CYP7B1: variants seen among roughly 807,000 people sequenced by gnomAD.
CYP7B1 encodes the protein cytochrome P450 family 7 subfamily B member 1.
In CYP7B1, 29 loss-of-function variants were observed where a neutral mutation model predicts 42.7. The observed-to-expected ratio is 0.68, with a 90% CI of 0.51 to 0.93. The LOEUF is 0.93. Ranked by LOEUF, CYP7B1 falls within the 40% of genes least tolerant of loss-of-function variation. The probability of loss-of-function intolerance (pLI) is 0.00; values close to 1 mark genes in which losing one functional copy is unlikely to be tolerated. For synonymous variants in CYP7B1, 235 were observed against 218.2 expected (o/e 1.08, Z -0.68); for missense variants, 655 against 600.5 (o/e 1.09, Z -0.95).
intron 1 of CYP7B1, among the ~76,000 whole-genome samples, chr8:64,704,203 A>T (rs1806959292): frequency 6.6e-6 from 1 of 152,054 alleles, no homozygotes; most frequent in African/African-American, 2.4e-5. Flanking sequence ...CATGACATTA[A>T]ATAGCTTGTC....
chr8:64,729,186 G>C (rs1427678592), intron 1 of CYP7B1, among the ~76,000 whole-genome samples: 1 of 152,102 alleles, frequency 6.6e-6, no homozygotes, highest in Admixed American at 6.5e-5. Flanking sequence ...AATCAGAGAA[G>C]CTCTAAGATA....
intron 1 of CYP7B1, among the ~76,000 whole-genome samples, chr8:64,774,075 C>T (rs969847715): frequency 5.9e-5 from 9 of 152,174 alleles, no homozygotes; most frequent in Admixed American, 2.6e-4. Context: ...TATACCTTCC[C>T]TCTCTCCCAC....
intron 5 of CYP7B1, among the ~76,000 whole-genome samples, chr8:64,600,404 A>G (rs1438708409): frequency 3.9e-5 from 6 of 152,234 alleles, no homozygotes; most frequent in Non-Finnish European, 8.8e-5. Flanking sequence ...AGTAGGTGAC[A>G]CACAATAGGA....
chr8:64,620,407 A>G (rs1805510793), intron 2 of CYP7B1, among the ~76,000 whole-genome samples: 2 of 152,172 alleles, frequency 1.3e-5, no homozygotes. Flanking sequence ...AATGATGTAC[A>G]GTGGTGCTTT....
In CYP7B1 at chr8:64,748,261, C is replaced by A. The variant is rs142011746; in HGVS notation, c.122+50205G>T. 5.8e-4 allele frequency among the ~76,000 whole-genome samples: 89 copies of A among 152,254 alleles called. 1 individual carries two copies. In the East Asian group the frequency reaches 0.017, roughly 28 times the overall value. The stretch of plus-strand genomic sequence containing the variant: ...GAGCTCTTCACCCTTGGGGTGTCTA[C>A]CATCTTTAAATGCACACAGACAGAC... On this transcript the variant is annotated intron_variant, in intron 1 of 5. Coordinates refer to ENST00000310193, the MANE Select transcript of CYP7B1 (RefSeq NM_004820.5).
At chr8:64,627,075 C>G (rs1372162007) in intron 1 of CYP7B1, among the ~76,000 whole-genome samples, 4 of 152,152 alleles carry the variant, frequency 2.6e-5, no homozygotes, top group African/African-American at 9.7e-5. Flanking sequence ...ATTTTGCTTT[C>G]TCTTTTTAGA....
In CYP7B1 at chr8:64,685,186, G is replaced by A. The variant is rs1806602398; in HGVS notation, c.123-60647C>T. On this transcript the variant is annotated intron_variant, in intron 1 of 5. Transcript: ENST00000310193. ...GGCGAGCGCCGCCCGGGAGGCAGCGGCTGGAGGAGCGGACGGGCCCCGCGG... is the reference window on the plus strand; with the variant it reads ...GGCGAGCGCCGCCCGGGAGGCAGCGACTGGAGGAGCGGACGGGCCCCGCGG... Among the ~76,000 whole-genome samples the A allele has an allele frequency of 2.0e-5, 3 of 152,096 alleles. No individual in the cohort carries two copies. In the South Asian group the frequency reaches 6.2e-4, roughly 32 times the overall value.
intron 1 of CYP7B1, among the ~76,000 whole-genome samples, chr8:64,755,488 G>A (rs528512654): frequency 6.6e-6 from 1 of 151,918 alleles, no homozygotes; most frequent in East Asian, 1.9e-4. Flanking sequence ...GCACGATCTC[G>A]GCTCACTGCA....
intron 1 of CYP7B1, among the ~76,000 whole-genome samples, chr8:64,778,884 T>A (rs1262132153): frequency 1.3e-5 from 2 of 152,116 alleles, no homozygotes; most frequent in Non-Finnish European, 2.9e-5. Context: ...AGCAAGTGGA[T>A]GCAATAGCCA....
downstream of CYP7B1, among the ~76,000 whole-genome samples, chr8:64,589,638 GAC>G (rs1805009479): frequency 1.3e-5 from 2 of 152,156 alleles, no homozygotes; most frequent in South Asian, 2.1e-4. Context: ...AGGCAATAAT[GAC>G]ACAGATTTTT....
chr8:64,656,157 C>T (rs1312186107), intron 1 of CYP7B1, among the ~76,000 whole-genome samples: 1 of 151,764 alleles, frequency 6.6e-6, no homozygotes, highest in Non-Finnish European at 1.5e-5. Context: ...TAGTTCCAAA[C>T]AAAAAATAAA....
At chr8:64,702,785 CGGCAAT>C (rs1563397775) in intron 1 of CYP7B1, among the ~76,000 whole-genome samples, 1 of 152,028 alleles carries the variant, frequency 6.6e-6, no homozygotes, top group Non-Finnish European at 1.5e-5. Context: ...ACATAATGTA[CGGCAAT>C]AATATCGGGC....
At chr8:64,755,510 C>A (rs1451889361) in intron 1 of CYP7B1, among the ~76,000 whole-genome samples, 2 of 152,090 alleles carry the variant, frequency 1.3e-5, no homozygotes, top group South Asian at 2.1e-4. Flanking sequence ...CCTCCGCCTC[C>A]CAGGTTCTAG....
chr8:64,758,963 A>G lies in CYP7B1; in HGVS notation c.122+39503T>C, dbSNP rs554260944. On this transcript the variant is annotated intron_variant, in intron 1 of 5. Coordinates refer to ENST00000310193, the MANE Select transcript of CYP7B1 (RefSeq NM_004820.5). The stretch of plus-strand genomic sequence containing the variant: ...CCATCTGGGACATTCAGACAATTTT[A>G]ACCACCATCTACAGCATGACAAACT... Among the ~76,000 whole-genome samples the G allele has an allele frequency of 2.0e-5, 3 of 152,326 alleles. No homozygotes were observed. In the East Asian group the frequency reaches 5.8e-4, roughly 29 times the overall value.
At chr8:64,798,422 C>T (rs1439842170) in intron 1 of CYP7B1, 44 bp downstream of exon 1, 19 of 1,456,060 alleles carry the variant, frequency 1.3e-5, no homozygotes, top group East Asian at 2.8e-5. Context: ...GCGCGGCCCG[C>T]GGGGCCCAGG....
At chr8:64,734,194 T>C (rs757993595) in intron 1 of CYP7B1, 3 of 152,306 alleles carry the variant, frequency 2.0e-5, no homozygotes, top group Non-Finnish European at 4.4e-5. Flanking sequence ...CATAAACTTA[T>C]GAGTATGATA....
chr8:64,775,342 G>C (rs1236345075), intron 1 of CYP7B1, among the ~76,000 whole-genome samples: 2 of 152,106 alleles, frequency 1.3e-5, no homozygotes, highest in East Asian at 3.9e-4. Flanking sequence ...TCCAACTAAA[G>C]TGGAGCCAAT....
intron 1 of CYP7B1, among the ~76,000 whole-genome samples, chr8:64,665,816 T>C (rs1329178343): frequency 2.0e-5 from 3 of 152,086 alleles, no homozygotes; most frequent in Non-Finnish European, 2.9e-5. Context: ...CTTCAGGTGA[T>C]CCTCCTGCCT....
At chr8:64,709,430 ATTTGTGTG>A (rs1243326252) in intron 1 of CYP7B1, among the ~76,000 whole-genome samples, 1 of 152,154 alleles carries the variant, frequency 6.6e-6, no homozygotes, top group East Asian at 1.9e-4. Context: ...ATATTTGTGT[ATTTGTGTG>A]TTAAGAAGAA....
Sources: gnomAD v4.1 joint callset for allele counts (sites outside exome capture counted in the v4.1 genomes callset) on GRCh38, gnomAD v4.1.1 for gene constraint, MANE v1.5 for transcripts, NCBI Gene and HGNC (gene_info 2026-07-23, HGNC 2026-07-21) for gene names.